The following LONP1 variants were observed in gnomAD, a reference collection of about 807,000 sequenced individuals.
LONP1 encodes the protein lon peptidase 1, mitochondrial, also known as lon protease homolog, mitochondrial.
LONP1 carries 31 observed loss-of-function variants against 98.5 expected under a neutral mutation model. The ratio of observed to expected loss-of-function variants is 0.31; its 90% CI spans 0.24 to 0.42. The LOEUF (loss-of-function observed/expected upper bound fraction) is 0.42, where lower values mean the gene tolerates loss of function less well. LONP1 is among the 20% of genes least tolerant of loss of function. LONP1 has a pLI of 1.00. For synonymous variants in LONP1, 781 were observed against 594.7 expected (o/e 1.31, Z -4.56); for missense variants, 1,336 against 1,350.6 (o/e 0.99, Z 0.17).
rs547248083 is a variant in LONP1, at chr19:5,715,262, T to C, written c.430-991A>G. Among the ~76,000 whole-genome samples the C allele has an allele frequency of 2.0e-5, 3 of 152,002 alleles. No individual in the cohort carries two copies. The South Asian group carries it at 6.2e-4, about 32-fold the overall frequency. ...TGTCTTGGTTTGAAAATCAAAACCA[T>C]TCTGCTTTTATTAATGTCAGAATAA... On this transcript the variant is annotated intron_variant, in intron 1 of 17. Transcript: ENST00000360614.
intron 10 of LONP1, among the ~76,000 whole-genome samples, chr19:5,697,510 GGGGAGAGAAGAGGGAGGA>G (rs2054957665): frequency 6.8e-6 from 1 of 146,380 alleles, no homozygotes; most frequent in African/African-American, 2.5e-5. Context: ...GGGAGGAGGG[GGGGAGAGAAGAGGGAGGA>G]GAGGGGGAAG....
intron 1 of LONP1, among the ~76,000 whole-genome samples, chr19:5,714,622 T>TC (rs1368942276): frequency 6.8e-6 from 1 of 147,630 alleles, no homozygotes; most frequent in Non-Finnish European, 1.5e-5. Context: ...GCTTTTCTTT[T>TC]TTTTTTTTTT....
chr19:5,720,251 A>G (rs1256058309), upstream of LONP1: 7 of 1,336,458 alleles, frequency 5.2e-6, no homozygotes, highest in Admixed American at 1.4e-4. Context: ...CAGCCGCTTC[A>G]GGGAGCTGGG....
chr19:5,700,147 C>T (rs2055014286), intron 9 of LONP1, among the ~76,000 whole-genome samples: 1 of 152,018 alleles, frequency 6.6e-6, no homozygotes, highest in Admixed American at 6.6e-5. Context: ...GAGTTTCACT[C>T]TTGTTGCCCA....
At chr19:5,705,442 A>C (rs1030771808) in intron 8 of LONP1, among the ~76,000 whole-genome samples, 1 of 138,168 alleles carries the variant, frequency 7.2e-6, no homozygotes, top group African/African-American at 2.8e-5. Flanking sequence ...TGGACAACTG[A>C]GCGAGACTCC....
Position 5,719,764 on chromosome 19 carries a change from G to A in LONP1, c.369C>T (p.His123=). 2 of 1,613,710 alleles carry A rather than the reference G, an allele frequency of 1.2e-6. No individual in the cohort carries two copies. Among genetic ancestry groups the A allele is most frequent in the Admixed American group, 1.7e-5 (1 of 60,032 alleles). The change falls in exon 1 of 18, where the codon CAC becomes CAT. Residue 123 remains histidine (H), a synonymous_variant. Coordinates refer to ENST00000360614, the MANE Select transcript of LONP1 (RefSeq NM_004793.4). ...TGCGGGTGATGGCGATGAGCGGCAG[G>A]TGCGGAAACACATCGGGGATCGTCA... The part of the protein sequence containing the change: ...TPMTIPDVFP[H]LPLIAITRNP...
In LONP1 at chr19:5,699,134, G is replaced by A. The variant is rs373491173; in HGVS notation, c.1578C>T (p.Gly526=). The A allele has an allele frequency of 1.9e-5, 29 of 1,565,224 alleles. No homozygotes were observed. Among genetic ancestry groups the A allele is most frequent in the East Asian group, 4.7e-5 (2 of 42,402 alleles). The part of the protein sequence containing the change: ...GKILCFYGPP[G]VGKTSIARSI... ...AGCGAGCAATGCTGGTCTTACCCAC[G>A]CCAGGGGGGCCATAGAAGCAGAGGA... Residue 526 remains glycine (G), a synonymous_variant, in exon 10 of 18, where the codon GGC becomes GGT. Coordinates refer to ENST00000360614, the MANE Select transcript of LONP1 (RefSeq NM_004793.4).
Position 5,696,235 on chromosome 19 carries a change from G to C in LONP1, c.1896+14C>G, listed in dbSNP as rs1288441960. 1 of 1,612,980 alleles carries C rather than the reference G, an allele frequency of 6.2e-7. No individual in the cohort carries two copies. The highest frequency in any genetic ancestry group is 8.5e-7 in the Non-Finnish European group (1 of 1,179,770). ...CCCTCCCCAGCAAGCCCAGGCCCCA[G>C]ACAGGCCCCCCACCTTGGACAAGTC... On this transcript the variant is annotated intron_variant, in intron 12 of 17. Coordinates refer to ENST00000360614, the MANE Select transcript of LONP1 (RefSeq NM_004793.4).
chr19:5,691,930 C>G lies in LONP1; in HGVS notation c.*102G>C. Reference sequence around the variant, plus strand: ...ATCTGGGTCACTGGACCGAGCTGCTCGCTCGGTGGCTCCACTGCCAGGTCC... The same window carrying G: ...ATCTGGGTCACTGGACCGAGCTGCTGGCTCGGTGGCTCCACTGCCAGGTCC... On this transcript the variant is annotated 3_prime_UTR_variant, in exon 18 of 18. Coordinates refer to ENST00000360614, the MANE Select transcript of LONP1 (RefSeq NM_004793.4). 1 of 1,355,050 alleles carries G rather than the reference C, an allele frequency of 7.4e-7. No homozygotes were observed. Among genetic ancestry groups the G allele is most frequent in the Non-Finnish European group, 1.0e-6 (1 of 995,696 alleles). The allele number at this position is 1,355,050 out of a possible 1,614,324, so 83.9% of individuals were successfully genotyped here.
intron 9 of LONP1, among the ~76,000 whole-genome samples, chr19:5,700,432 TAG>T (rs892099502): frequency 3.9e-5 from 6 of 152,168 alleles, no homozygotes; most frequent in Admixed American, 3.3e-4. Flanking sequence ...AAATTTTTTG[TAG>T]AGATGGGGGT....
rs200466559 is a variant in LONP1 at position 5,693,619 on chromosome 19, A to C, written c.2471T>G (p.Phe824Cys). ...ATTGGCGGGGGCGTGCTGCATGAGGAAGGCTCTGGCGAAGGTGTAGGCTAT... is the reference window on the plus strand; with the variant it reads ...ATTGGCGGGGGCGTGCTGCATGAGGCAGGCTCTGGCGAAGGTGTAGGCTAT... ...ARIAYTFARA[F>C]LMQHAPANDY... is the part of the protein sequence containing the mutation. The change falls in exon 16 of 18, where the codon TTC becomes TGC. Residue 824 changes from phenylalanine to cysteine, a missense_variant. By Grantham distance (205) the Phe-to-Cys change is radical. This residue lies in a region of LONP1 where 555 missense variants were observed against 542.6 expected (regional missense o/e 1.02). Transcript: ENST00000360614. The C allele has an allele frequency of 1.2e-6, 2 of 1,613,942 alleles. No individual in the cohort carries two copies.
chr19:5,708,992 G>A (rs967113468), intron 4 of LONP1: 1 of 134,258 alleles, frequency 7.4e-6, no homozygotes, highest in Non-Finnish European at 1.5e-5. Context: ...CAACCTGGGC[G>A]AAAGAGCGAG....
intron 14 of LONP1, 34 bp from the exon 15 acceptor site, chr19:5,694,586 A>AGGTGGGGTGACAGGTGCGGGGT (rs545493358): frequency 5.0e-6 from 8 of 1,584,714 alleles, no homozygotes; most frequent in African/African-American, 1.4e-5. Flanking sequence ...GGGCACGGGA[A>AGGTGGGGTGACAGGTGCGGGGT]GGTGGGGTGA....
In LONP1 at chr19:5,691,931, G is replaced by A. The variant is rs954715479; in HGVS notation, c.*101C>T. Reference sequence around the variant, plus strand: ...TCTGGGTCACTGGACCGAGCTGCTCGCTCGGTGGCTCCACTGCCAGGTCCG... The same window carrying A: ...TCTGGGTCACTGGACCGAGCTGCTCACTCGGTGGCTCCACTGCCAGGTCCG... On this transcript the variant is annotated 3_prime_UTR_variant, in exon 18 of 18. Transcript: ENST00000360614. 18 of 1,373,912 alleles carry A rather than the reference G, an allele frequency of 1.3e-5. No homozygotes were observed. In the African/African-American group the frequency reaches 2.4e-4, roughly 19 times the overall value. The allele number at this position is 1,373,912 out of a possible 1,614,324, so 85.1% of individuals were successfully genotyped here.
intron 1 of LONP1, among the ~76,000 whole-genome samples, chr19:5,716,604 AGGAGG>A (rs1267215139): frequency 8.6e-5 from 13 of 151,464 alleles, no homozygotes; most frequent in Admixed American, 8.6e-4. Flanking sequence ...AACATCTGAC[AGGAGG>A]GTGTGTGACC....
chr19:5,708,257 C>T (rs530275345), intron 5 of LONP1, 85 bp downstream of exon 5: 40 of 1,364,706 alleles, frequency 2.9e-5, no homozygotes, highest in Middle Eastern at 4.0e-4. Flanking sequence ...CCCAGGAGGA[C>T]GCTGAGGAAG....
chr19:5,707,702 T>G lies in LONP1; in HGVS notation c.1057A>C (p.Thr353Pro). 6.2e-7 allele frequency: 1 copy of G among 1,609,896 alleles called. No individual in the cohort carries two copies. Among genetic ancestry groups the G allele is most frequent in the South Asian group, 1.1e-5 (1 of 90,898 alleles). The change falls in exon 6 of 18, where the codon ACC becomes CCC. Residue 353 changes from threonine (T) to proline (P), a missense_variant. Thr to Pro is a conservative substitution (Grantham distance 38, BLOSUM62 -1). This residue lies in a region of LONP1 where 97 missense variants were observed against 139.0 expected (regional missense o/e 0.70). Transcript: ENST00000360614. ...TGGAGGTGACGAGCACTCACATTGG[T>G]CTCTTCCAGGACGTCCTGCAGCTCA... ...SHELQDVLEE[T>P]NIPKRLYKAL...
chr19:5,713,319 T>C, intron 2 of LONP1, 66 bp from the exon 3 acceptor site: 1 of 1,590,982 alleles, frequency 6.3e-7, no homozygotes, highest in Non-Finnish European at 8.6e-7. Flanking sequence ...TGTCTCTGGC[T>C]GAGATGGAGG....
chr19:5,698,174 G>A (rs1382232987), intron 10 of LONP1, among the ~76,000 whole-genome samples: 1 of 151,960 alleles, frequency 6.6e-6, no homozygotes, highest in Non-Finnish European at 1.5e-5. Context: ...CCGCCCCCTG[G>A]GGACTGGACA....
Sources: allele counts gnomAD v4.1 joint callset (sites outside exome capture counted in the v4.1 genomes callset), GRCh38; gene constraint gnomAD v4.1.1; regional missense constraint gnomAD v4.1.1; transcripts MANE v1.5; gene names NCBI Gene and HGNC (gene_info 2026-07-23, HGNC 2026-07-21).